Variants in SGCZ observed in about 807,000 individuals in gnomAD.
The protein encoded by SGCZ is zeta-sarcoglycan.
In SGCZ, 40 loss-of-function variants were observed where a neutral mutation model predicts 41.3. The ratio of observed to expected loss-of-function variants is 0.97; its 90% CI spans 0.75 to 1.26. SGCZ has a LOEUF of 1.26. SGCZ is among the 50% of genes most tolerant of loss of function. SGCZ has a pLI of 0.00. For missense variants in SGCZ, 552 were observed against 369.8 expected (o/e 1.49, Z -4.04); for synonymous variants, 206 against 137.5 (o/e 1.50, Z -3.49).
At chr8:14,768,544 G>A (rs751931459) in intron 1 of SGCZ, among the ~76,000 whole-genome samples, 22 of 152,170 alleles carry the variant, frequency 1.4e-4, no homozygotes, top group Admixed American at 6.5e-5. Context: ...TTGGATGAAA[G>A]GAGTAATAAT....
At chr8:14,766,399 T>C (rs1318027489) in intron 1 of SGCZ, among the ~76,000 whole-genome samples, 2 of 152,150 alleles carry the variant, frequency 1.3e-5, no homozygotes, top group East Asian at 3.8e-4. Flanking sequence ...TGTTTACTTA[T>C]TGGATCTTGT....
At chr8:15,186,262 CAAAAAAAA>C (rs61237091) in intron 1 of SGCZ, among the ~76,000 whole-genome samples, 25 of 80,688 alleles carry the variant, frequency 3.1e-4, no homozygotes, top group African/African-American at 1.2e-3. Flanking sequence ...GATTCCGTAC[CAAAAAAAA>C]AAAAAAAAAA....
chr8:14,417,817 A>G (rs1483379067), intron 2 of SGCZ, among the ~76,000 whole-genome samples: 2 of 151,856 alleles, frequency 1.3e-5, no homozygotes, highest in Non-Finnish European at 2.9e-5. Context: ...GTATATTGAA[A>G]TATCACATTA....
chr8:15,182,273 T>C (rs1269461763), intron 1 of SGCZ, among the ~76,000 whole-genome samples: 2 of 152,116 alleles, frequency 1.3e-5, no homozygotes, highest in Non-Finnish European at 2.9e-5. Context: ...TTCACTAAAA[T>C]ATAGATTAGC....
intron 2 of SGCZ, among the ~76,000 whole-genome samples, chr8:14,390,948 A>C (rs1804749166): frequency 6.6e-6 from 1 of 152,126 alleles, no homozygotes; most frequent in African/African-American, 2.4e-5. Flanking sequence ...TCATTTAAGA[A>C]GGAAGAATAG....
intron 1 of SGCZ, among the ~76,000 whole-genome samples, chr8:14,606,420 T>C (rs984635582): frequency 6.6e-6 from 1 of 152,156 alleles, no homozygotes; most frequent in African/African-American, 2.4e-5. Context: ...TGGTGCAAGA[T>C]CAAAACTCTT....
chr8:14,489,269 A>G (rs1375173741), intron 2 of SGCZ, among the ~76,000 whole-genome samples: 1 of 152,146 alleles, frequency 6.6e-6, no homozygotes. Context: ...TTAAACTACC[A>G]CTTACTACAT....
rs536778816 is a variant in SGCZ at position 15,005,793 on chromosome 8, C to G, written c.39+231792G>C. Among the ~76,000 whole-genome samples the G allele has an allele frequency of 1.4e-4, 21 of 152,276 alleles. No homozygotes were observed. In the South Asian group the frequency reaches 2.7e-3, roughly 20 times the overall value. ...AAAGACTTAACTAGTCTTTATTATG[C>G]TGACACCAGTCTCCTAAAATAAAAT... On this transcript the variant is annotated intron_variant, in intron 1 of 7. Transcript: ENST00000382080.
At chr8:15,108,994 A>T (rs557296525) in intron 1 of SGCZ, among the ~76,000 whole-genome samples, 1 of 152,282 alleles carries the variant, frequency 6.6e-6, no homozygotes, top group African/African-American at 2.4e-5. Context: ...AATTTTCTCC[A>T]TTTCTACATT....
intron 1 of SGCZ, among the ~76,000 whole-genome samples, chr8:14,746,186 C>G (rs76936503): frequency 2.0e-5 from 3 of 152,046 alleles, no homozygotes; most frequent in South Asian, 4.1e-4. Context: ...GGCATTCAAA[C>G]GTAGAGATTT....
At chr8:14,244,785 G>T (rs963197782) in intron 3 of SGCZ, among the ~76,000 whole-genome samples, 1 of 152,028 alleles carries the variant, frequency 6.6e-6, no homozygotes, top group Non-Finnish European at 1.5e-5. Flanking sequence ...GTGGTTTGTA[G>T]TTCTCCTTGA....
intron 1 of SGCZ, among the ~76,000 whole-genome samples, chr8:14,774,300 AG>A (rs1189149707): frequency 6.6e-6 from 1 of 152,170 alleles, no homozygotes; most frequent in African/African-American, 2.4e-5. Flanking sequence ...TGGACTTGTT[AG>A]TCTCTATAAT....
intron 1 of SGCZ, among the ~76,000 whole-genome samples, chr8:14,711,669 G>C (rs1304476429): frequency 6.7e-6 from 1 of 149,890 alleles, no homozygotes; most frequent in East Asian, 2.0e-4. Flanking sequence ...GAAAAGGATA[G>C]GAACATATGT....
chr8:14,428,943 G>A (rs1285680025), intron 2 of SGCZ, among the ~76,000 whole-genome samples: 2 of 152,122 alleles, frequency 1.3e-5, no homozygotes, highest in African/African-American at 2.4e-5. Flanking sequence ...ATAGAAATAT[G>A]GCCCTTATTT....
chr8:15,017,830 G>C (rs1803096947), intron 1 of SGCZ, among the ~76,000 whole-genome samples: 1 of 152,088 alleles, frequency 6.6e-6, no homozygotes, highest in African/African-American at 2.4e-5. Flanking sequence ...AGTTTATTTA[G>C]TTGGGCTCCA....
chr8:15,203,510 A>G (rs182588759), intron 1 of SGCZ, among the ~76,000 whole-genome samples: 7 of 152,336 alleles, frequency 4.6e-5, no homozygotes, highest in African/African-American at 1.7e-4. Context: ...CTATATGGCA[A>G]GTAGCACATT....
At chr8:14,928,796 G>A (rs563581748) in intron 1 of SGCZ, among the ~76,000 whole-genome samples, 4 of 152,174 alleles carry the variant, frequency 2.6e-5, no homozygotes, top group East Asian at 3.9e-4. Flanking sequence ...CTTTGCGTAT[G>A]TAATTTTTCT....
chr8:14,554,499 C>T (rs188499558), intron 2 of SGCZ, among the ~76,000 whole-genome samples: 5 of 152,136 alleles, frequency 3.3e-5, no homozygotes, highest in Admixed American at 3.3e-4. Flanking sequence ...ATGTGCTGTA[C>T]TGTCTCGTGA....
In SGCZ at chr8:14,864,020, C is replaced by T. The variant is rs530055413; in HGVS notation, c.40-309094G>A. On this transcript the variant is annotated intron_variant, in intron 1 of 7. Transcript: ENST00000382080. Reference sequence around the variant, plus strand: ...CCTCTGACAAGTTTAAAACAGAACGCGACCTTCTCTTTGACCTCACCAATT... The same window carrying T: ...CCTCTGACAAGTTTAAAACAGAACGTGACCTTCTCTTTGACCTCACCAATT... Among the ~76,000 whole-genome samples the T allele has an allele frequency of 3.3e-5, 5 of 152,204 alleles. No homozygotes were observed. In the East Asian group the frequency reaches 7.7e-4, roughly 24 times the overall value.
Sources: gnomAD v4.1 joint callset for allele counts (sites outside exome capture counted in the v4.1 genomes callset) on GRCh38, gnomAD v4.1.1 for gene constraint, MANE v1.5 for transcripts, NCBI Gene and HGNC (gene_info 2026-07-23, HGNC 2026-07-21) for gene names.